The following CCDC12 variants were observed in gnomAD, a reference collection of about 807,000 sequenced individuals.
CCDC12 encodes the protein coiled-coil domain-containing protein 12.
CCDC12 carries 28 observed loss-of-function variants against 25.7 expected under a neutral mutation model. The ratio of observed to expected loss-of-function variants is 1.09; its 90% CI spans 0.81 to 1.50. The LOEUF (loss-of-function observed/expected upper bound fraction) is 1.50. CCDC12 is among the 40% of genes most tolerant of loss of function. The pLI, the probability that CCDC12 is intolerant of heterozygous loss-of-function variation, is 0.00. For missense variants in CCDC12, 198 were observed against 210.0 expected (o/e 0.94, Z 0.35); for synonymous variants, 75 against 87.7 (o/e 0.86, Z 0.81).
At chr3:46,960,293 A>C (rs759358290) in intron 1 of CCDC12, among the ~76,000 whole-genome samples, 16 of 152,142 alleles carry the variant, frequency 1.1e-4, no homozygotes, top group Non-Finnish European at 2.1e-4. Flanking sequence ...TCCTCACCCC[A>C]GACACAGCCC....
chr3:46,927,909 C>G (rs1294054750), intron 2 of CCDC12, among the ~76,000 whole-genome samples: 2 of 152,182 alleles, frequency 1.3e-5, no homozygotes, highest in African/African-American at 4.8e-5. Flanking sequence ...GGAATTCCAC[C>G]ACTACCAAAG....
chr3:46,926,751 T>C (rs2032977610), intron 2 of CCDC12, among the ~76,000 whole-genome samples: 1 of 152,114 alleles, frequency 6.6e-6, no homozygotes, highest in African/African-American at 2.4e-5. Context: ...CAGGTGAGAC[T>C]AGGCCGCAGG....
intron 1 of CCDC12, among the ~76,000 whole-genome samples, chr3:46,956,479 G>C (rs1417013670): frequency 6.6e-6 from 1 of 152,200 alleles, no homozygotes; most frequent in Non-Finnish European, 1.5e-5. Flanking sequence ...TGGTCACCAA[G>C]GTGGGCTCTG....
chr3:46,955,316 G>A (rs948777250), intron 1 of CCDC12, among the ~76,000 whole-genome samples: 3 of 152,148 alleles, frequency 2.0e-5, no homozygotes, highest in Non-Finnish European at 4.4e-5. Flanking sequence ...GTCTTGTCAT[G>A]GGGCAGACAA....
At chr3:46,927,308 G>C (rs1241626974) in intron 2 of CCDC12, among the ~76,000 whole-genome samples, 1 of 152,200 alleles carries the variant, frequency 6.6e-6, no homozygotes, top group Non-Finnish European at 1.5e-5. Flanking sequence ...GGGTGCAAAG[G>C]CTTTCGTTCA....
At chr3:46,958,162 T>A (rs1305764721) in intron 1 of CCDC12, among the ~76,000 whole-genome samples, 3 of 152,078 alleles carry the variant, frequency 2.0e-5, no homozygotes, top group African/African-American at 7.3e-5. Context: ...TTATTGGCGG[T>A]CTGAAGAAAC....
chr3:46,939,343 C>T (rs1258848941), intron 2 of CCDC12, among the ~76,000 whole-genome samples: 2 of 152,140 alleles, frequency 1.3e-5, no homozygotes, highest in Non-Finnish European at 2.9e-5. Context: ...AGCGACCCTT[C>T]TCTCTCATCG....
At chr3:46,932,652 C>G (rs1233414126) in intron 2 of CCDC12, among the ~76,000 whole-genome samples, 5 of 152,242 alleles carry the variant, frequency 3.3e-5, no homozygotes, top group Admixed American at 3.3e-4. Context: ...ATGGGCAGGA[C>G]AGGGCCACAT....
upstream of CCDC12, among the ~76,000 whole-genome samples, chr3:46,980,713 G>A (rs910987984): frequency 2.6e-5 from 4 of 152,066 alleles, no homozygotes; most frequent in African/African-American, 9.7e-5. Flanking sequence ...CTCAGACGTG[G>A]GTGTCCCATC....
chr3:46,960,010 G>A (rs555151447), intron 1 of CCDC12, among the ~76,000 whole-genome samples: 10 of 152,216 alleles, frequency 6.6e-5, no homozygotes, highest in South Asian at 4.2e-4. Context: ...TGGGTTGAGC[G>A]CTCTCCTCCA....
intron 1 of CCDC12, among the ~76,000 whole-genome samples, chr3:46,975,841 A>ATTTTTTT (rs11356624): frequency 1.4e-5 from 1 of 70,376 alleles, no homozygotes; most frequent in African/African-American, 6.0e-5. Context: ...TTTATTTTCG[A>ATTTTTTT]TTTTTTTTTT....
chr3:46,926,134 G>GA (rs2032947976), intron 2 of CCDC12, among the ~76,000 whole-genome samples: 1 of 152,244 alleles, frequency 6.6e-6, no homozygotes, highest in Admixed American at 6.5e-5. Context: ...AGTGAGGAGT[G>GA]ACATGTGGAC....
intron 1 of CCDC12, among the ~76,000 whole-genome samples, chr3:46,949,934 G>A (rs534919651): frequency 6.6e-6 from 1 of 151,560 alleles, no homozygotes; most frequent in South Asian, 2.1e-4. Flanking sequence ...GGCTGAGGCA[G>A]GAGAACTGCT....
chr3:46,980,867 G>C (rs1422639879), upstream of CCDC12, among the ~76,000 whole-genome samples: 1 of 152,188 alleles, frequency 6.6e-6, no homozygotes, highest in Non-Finnish European at 1.5e-5. Flanking sequence ...CTGGCATCAT[G>C]CTCCTGGCTC....
chr3:46,978,267 T>C (rs1357169858), upstream of CCDC12, among the ~76,000 whole-genome samples: 1 of 152,130 alleles, frequency 6.6e-6, no homozygotes, highest in Admixed American at 6.5e-5. Context: ...GGCATGCAGT[T>C]TGGAGGTGCT....
intron 1 of CCDC12, among the ~76,000 whole-genome samples, chr3:46,951,405 C>A (rs974185009): frequency 1.3e-5 from 2 of 151,974 alleles, no homozygotes; most frequent in African/African-American, 4.8e-5. Context: ...TTGATTTAAT[C>A]TTTCTACAAC....
intron 2 of CCDC12, among the ~76,000 whole-genome samples, chr3:46,928,750 A>G (rs1425222826): frequency 6.6e-6 from 1 of 152,246 alleles, no homozygotes; most frequent in East Asian, 1.9e-4. Context: ...TGAATCCGTT[A>G]TTCAAGAAAT....
intron 2 of CCDC12, among the ~76,000 whole-genome samples, chr3:46,929,335 A>G (rs984303713): frequency 1.3e-5 from 2 of 152,266 alleles, no homozygotes; most frequent in African/African-American, 4.8e-5. Flanking sequence ...AGGAAAGTCA[A>G]GAAACAAATA....
chr3:46,923,147 C>A, intron 5 of CCDC12, 182 bp downstream of exon 5: 2 of 587,326 alleles, frequency 3.4e-6, no homozygotes, highest in East Asian at 7.0e-5. Context: ...CATCACTCCC[C>A]TCTCATCCCA....
Sources: gnomAD v4.1 joint callset for allele counts (sites outside exome capture counted in the v4.1 genomes callset) on GRCh38, gnomAD v4.1.1 for gene constraint, MANE v1.5 for transcripts, NCBI Gene and HGNC (gene_info 2026-07-23, HGNC 2026-07-21) for gene names.